Variants in MARCHF8 observed in about 807,000 individuals in gnomAD.
The protein encoded by MARCHF8 is E3 ubiquitin-protein ligase MARCHF8.
Under a neutral mutation model 51.6 loss-of-function variants are expected in MARCHF8, and 40 were observed. The ratio of observed to expected loss-of-function variants is 0.77; its 90% confidence interval spans 0.60 to 1.01. MARCHF8 has a LOEUF of 1.01. Ranked by LOEUF, MARCHF8 falls within the 50% of genes least tolerant of loss-of-function variation. The pLI, the probability that MARCHF8 is intolerant of heterozygous loss-of-function variation, is 0.00. For missense variants in MARCHF8, 685 were observed against 708.6 expected, an observed-to-expected ratio of 0.97 and a Z score of 0.38; for synonymous variants, 263 against 280.3, an observed-to-expected ratio of 0.94 and a Z score of 0.62.
chr10:45,458,567 T>TAAA (rs1842685250), intron 7 of MARCHF8, 24 bp from the exon 8 acceptor site: 1 of 1,547,068 alleles, frequency 6.5e-7, no homozygotes, highest in Non-Finnish European at 8.7e-7. Flanking sequence ...ACTCAGCCTA[T>TAAA]TAGATTTTAT....
At chr10:45,475,054 TG>T (rs2042761835) in intron 3 of MARCHF8, among the ~76,000 whole-genome samples, 1 of 152,206 alleles carries the variant, frequency 6.6e-6, no homozygotes, top group Non-Finnish European at 1.5e-5. Context: ...TGCATCCTGC[TG>T]GGGGCCCAAC....
intron 3 of MARCHF8, among the ~76,000 whole-genome samples, chr10:45,466,954 C>T (rs1842988825): frequency 6.6e-6 from 1 of 152,200 alleles, no homozygotes; most frequent in Admixed American, 6.5e-5. Flanking sequence ...GGCACACACA[C>T]ACGTCAGGAC....
chr10:45,506,541 T>C (rs753426931), intron 2 of MARCHF8, among the ~76,000 whole-genome samples: 2 of 152,210 alleles, frequency 1.3e-5, no homozygotes, highest in Non-Finnish European at 2.9e-5. Flanking sequence ...CCAAGATCTT[T>C]AGGAAACTTA....
chr10:45,515,886 A>G (rs1473950961), intron 2 of MARCHF8, among the ~76,000 whole-genome samples: 1 of 152,232 alleles, frequency 6.6e-6, no homozygotes, highest in East Asian at 1.9e-4. Context: ...ACCAGTCTCT[A>G]TTGAAAGCCC....
upstream of MARCHF8, among the ~76,000 whole-genome samples, chr10:45,539,794 T>C (rs975044764): frequency 6.6e-6 from 1 of 152,212 alleles, no homozygotes. Context: ...ATTGTATATC[T>C]AGAAAACCCC....
intron 1 of MARCHF8, among the ~76,000 whole-genome samples, chr10:45,555,368 G>C (rs1207226931): frequency 6.6e-6 from 1 of 152,190 alleles, no homozygotes; most frequent in African/African-American, 2.4e-5. Context: ...AACATAGTGA[G>C]ATCTATCATT....
At chr10:45,564,417 T>C (rs936731965) in intron 1 of MARCHF8, among the ~76,000 whole-genome samples, 2 of 151,718 alleles carry the variant, frequency 1.3e-5, no homozygotes, top group African/African-American at 4.8e-5. Flanking sequence ...AACAAACCAA[T>C]AGGAATTACC....
In MARCHF8 at chr10:45,455,253, A is replaced by G. The variant is rs1433626596; in HGVS notation, c.*2986T>C. 1 of 152,278 alleles carries G rather than the reference A, an allele frequency of 6.6e-6. No individual in the cohort carries two copies. Among genetic ancestry groups the G allele is most frequent in the East Asian group, 1.9e-4 (1 of 5,204 alleles). 9.4% of individuals were successfully genotyped at this position (152,278 alleles called of 1,614,324 possible). On this transcript the variant is annotated 3_prime_UTR_variant, in exon 8 of 8. Transcript: ENST00000453424. ...GTGGACTGAAGCAAAAAGGGGAGAA[A>G]CATTAGAGGCCTACAGTAGGAAGAG...
intron 1 of MARCHF8, among the ~76,000 whole-genome samples, chr10:45,542,207 A>G (rs2044062865): frequency 6.6e-6 from 1 of 151,812 alleles, no homozygotes; most frequent in Non-Finnish European, 1.5e-5. Context: ...TAGCCGGGGC[A>G]TGGTGGCGGG....
upstream of MARCHF8, among the ~76,000 whole-genome samples, chr10:45,540,082 A>C (rs1273487641): frequency 1.3e-5 from 2 of 152,264 alleles, no homozygotes; most frequent in African/African-American, 4.8e-5. Flanking sequence ...TTCCATGCTC[A>C]TGGGTAGGAA....
chr10:45,564,714 G>A (rs1156477017), intron 1 of MARCHF8, among the ~76,000 whole-genome samples: 1 of 151,202 alleles, frequency 6.6e-6, no homozygotes, highest in Non-Finnish European at 1.5e-5. Flanking sequence ...AAAACCAAAA[G>A]GAGAAAAATA....
At chr10:45,568,150 C>T (rs995230127) in intron 1 of MARCHF8, among the ~76,000 whole-genome samples, 8 of 152,166 alleles carry the variant, frequency 5.3e-5, no homozygotes, top group Admixed American at 3.3e-4. Flanking sequence ...ACTGAATTTA[C>T]CAGTTCTAAT....
intron 1 of MARCHF8, among the ~76,000 whole-genome samples, chr10:45,566,780 A>C (rs988736249): frequency 2.2e-4 from 1 of 4,574 alleles, no homozygotes. Context: ...TGGCGGGGGG[A>C]GGGGGGGAGG....
intron 1 of MARCHF8, among the ~76,000 whole-genome samples, chr10:45,576,567 T>C (rs771400423): frequency 2.0e-5 from 3 of 152,066 alleles, no homozygotes; most frequent in Non-Finnish European, 4.4e-5. Flanking sequence ...TAGTTGTTAA[T>C]ATATGTGTGT....
At chr10:45,572,461 A>G (rs1028899176) in intron 1 of MARCHF8, among the ~76,000 whole-genome samples, 3 of 152,142 alleles carry the variant, frequency 2.0e-5, no homozygotes, top group African/African-American at 4.8e-5. Flanking sequence ...TTCTTCTGCA[A>G]TATTTTCTTC....
chr10:45,547,529 T>C (rs1299562826), intron 1 of MARCHF8, among the ~76,000 whole-genome samples: 2 of 152,148 alleles, frequency 1.3e-5, no homozygotes, highest in African/African-American at 4.8e-5. Flanking sequence ...TCAGAGATGT[T>C]AGAATGGATA....
intron 1 of MARCHF8, among the ~76,000 whole-genome samples, chr10:45,552,717 A>G (rs1373856170): frequency 6.6e-6 from 1 of 152,200 alleles, no homozygotes; most frequent in Non-Finnish European, 1.5e-5. Flanking sequence ...TCGTCCCTAA[A>G]ATAGATTAGT....
chr10:45,565,578 T>TA (rs576321216), intron 1 of MARCHF8, among the ~76,000 whole-genome samples: 53 of 122,610 alleles, frequency 4.3e-4, no homozygotes, highest in East Asian at 2.3e-3. Flanking sequence ...TGCAAAAAAA[T>TA]AAAAAAAAAA....
At chr10:45,483,133 G>A (rs1037911012) in intron 3 of MARCHF8, among the ~76,000 whole-genome samples, 2 of 152,072 alleles carry the variant, frequency 1.3e-5, no homozygotes, top group East Asian at 1.9e-4. Flanking sequence ...ACCAAAAACC[G>A]ACAAAAGGGA....
Sources: gnomAD v4.1 joint callset for allele counts (sites outside exome capture counted in the v4.1 genomes callset) on GRCh38, gnomAD v4.1.1 for gene constraint, MANE v1.5 for transcripts, NCBI Gene and HGNC (gene_info 2026-07-23, HGNC 2026-07-21) for gene names.